Variants in TMIGD3 observed in about 807,000 individuals in gnomAD.
The protein encoded by TMIGD3 is AD026 protein (AD026).
A neutral mutation model predicts 28.1 loss-of-function variants in TMIGD3; 21 were observed. The ratio of observed to expected loss-of-function variants is 0.75; its 90% CI spans 0.53 to 1.08. The LOEUF (loss-of-function observed/expected upper bound fraction) is 1.08. Among genes scored for constraint, TMIGD3 ranks in the 50% least tolerant of loss-of-function variants. TMIGD3 has a pLI of 0.00. For synonymous variants in TMIGD3, 151 were observed against 162.1 expected (o/e 0.93, Z 0.52); for missense variants, 416 against 435.6 (o/e 0.96, Z 0.40).
At chr1:111,545,703 A>C (rs1657011040) in intron 1 of TMIGD3, among the ~76,000 whole-genome samples, 1 of 152,110 alleles carries the variant, frequency 6.6e-6, no homozygotes, top group Non-Finnish European at 1.5e-5. Flanking sequence ...TACCTAATCT[A>C]AGGTCACAGA....
upstream of TMIGD3, among the ~76,000 whole-genome samples, chr1:111,506,972 C>G (rs1298374708): frequency 6.8e-6 from 1 of 147,294 alleles, no homozygotes; most frequent in East Asian, 2.0e-4. Context: ...TATACACACA[C>G]ACACATATAC....
chr1:111,542,963 C>G (rs1015234364), intron 1 of TMIGD3, among the ~76,000 whole-genome samples: 1 of 152,138 alleles, frequency 6.6e-6, no homozygotes, highest in Non-Finnish European at 1.5e-5. Flanking sequence ...TCCCAAAGTG[C>G]TGGGATTACA....
chr1:111,526,934 A>T (rs1026806964), intron 1 of TMIGD3, among the ~76,000 whole-genome samples: 1 of 151,576 alleles, frequency 6.6e-6, no homozygotes, highest in Non-Finnish European at 1.5e-5. Flanking sequence ...ATATATTTGG[A>T]ATCATACAGT....
intron 1 of TMIGD3, chr1:111,500,101 A>G: frequency 6.2e-7 from 1 of 1,614,194 alleles, no homozygotes; most frequent in Non-Finnish European, 8.5e-7. Flanking sequence ...ATGGGACAGC[A>G]GGATGCCCAT....
chr1:111,532,034 A>C (rs1168612332), intron 1 of TMIGD3, among the ~76,000 whole-genome samples: 3 of 152,152 alleles, frequency 2.0e-5, no homozygotes, highest in Non-Finnish European at 4.4e-5. Context: ...TATTCTACCC[A>C]AAACCCTATT....
At chr1:111,505,439 A>G (rs1293361964), upstream of TMIGD3, among the ~76,000 whole-genome samples, 2 of 152,116 alleles carry the variant, frequency 1.3e-5, no homozygotes, top group African/African-American at 4.8e-5. Flanking sequence ...TGCACATACC[A>G]TGGGGGTTTC....
At chr1:111,524,676 G>A (rs1483409886) in intron 1 of TMIGD3, among the ~76,000 whole-genome samples, 1 of 152,116 alleles carries the variant, frequency 6.6e-6, no homozygotes, top group Non-Finnish European at 1.5e-5. Flanking sequence ...CTGGAGTGCG[G>A]TGGCATGATC....
chr1:111,517,409 A>G (rs965210063), intron 1 of TMIGD3, among the ~76,000 whole-genome samples: 1 of 151,626 alleles, frequency 6.6e-6, no homozygotes, highest in African/African-American at 2.4e-5. Context: ...TCTCTTCTCT[A>G]CATACCCCAG....
rs376119734 is a variant in TMIGD3 at position 111,486,627 on chromosome 1, G to C, written c.831C>G (p.Ser277Arg). Residue 277 changes from serine to arginine, a missense_variant, in exon 4 of 6, where the codon AGC (serine) becomes AGG (arginine). By Grantham distance (110) the Ser-to-Arg change is moderately radical (BLOSUM62 -1). Coordinates refer to ENST00000369716, the MANE Select transcript of TMIGD3 (RefSeq NM_020683.7). ...GKDLSGNKTR[S>R]CKAPKVVRKA... ...TGCGGACAACTTTGGGAGCCTTGCA[G>C]CTTCTGGTTTTGTTGCCTGATAGGT... 5 of 1,613,776 alleles carry C rather than the reference G, an allele frequency of 3.1e-6. No homozygotes were observed. The highest frequency in any genetic ancestry group is 2.7e-5 in the African/African-American group (2 of 74,850).
At chr1:111,520,691 GATCATGAC>G (rs1258985224) in intron 1 of TMIGD3, among the ~76,000 whole-genome samples, 1 of 152,214 alleles carries the variant, frequency 6.6e-6, no homozygotes, top group Non-Finnish European at 1.5e-5. Context: ...CAACTTAGTG[GATCATGAC>G]CACATTGCAT....
At chr1:111,550,711 C>T (rs899110877) in intron 1 of TMIGD3, among the ~76,000 whole-genome samples, 1 of 152,188 alleles carries the variant, frequency 6.6e-6, no homozygotes, top group African/African-American at 2.4e-5. Flanking sequence ...GCCCAGCAGG[C>T]CTTGAACTCC....
intron 1 of TMIGD3, among the ~76,000 whole-genome samples, chr1:111,524,497 A>G (rs1167729941): frequency 6.6e-6 from 1 of 152,208 alleles, no homozygotes; most frequent in Non-Finnish European, 1.5e-5. Flanking sequence ...ACACTTGGTA[A>G]CATAGATAAT....
chr1:111,548,107 A>T (rs1028460549), intron 1 of TMIGD3, among the ~76,000 whole-genome samples: 13 of 152,048 alleles, frequency 8.5e-5, no homozygotes, highest in Non-Finnish European at 1.9e-4. Flanking sequence ...TGCAACCTCC[A>T]CCTCCTGGGT....
At chr1:111,490,810 G>A (rs759071207) in intron 1 of TMIGD3, 48 bp from the exon 2 acceptor site, 1 of 1,415,532 alleles carries the variant, frequency 7.1e-7, no homozygotes, top group South Asian at 1.2e-5. Flanking sequence ...GCTTTATCCT[G>A]GTTTGAAGAG....
At chr1:111,502,962 T>C in intron 1 of TMIGD3, 43 bp downstream of exon 1, 1 of 1,600,272 alleles carries the variant, frequency 6.2e-7, no homozygotes, top group Non-Finnish European at 8.5e-7. Flanking sequence ...TAGCCTCATT[T>C]CCCAGCTGCC....
chr1:111,510,097 T>C (rs913179941), intron 1 of TMIGD3, among the ~76,000 whole-genome samples: 2 of 152,222 alleles, frequency 1.3e-5, no homozygotes, highest in African/African-American at 4.8e-5. Flanking sequence ...GGGCCAGATA[T>C]TGAAGGCTGT....
At chr1:111,503,868 A>G (rs988941750), upstream of TMIGD3, 19 of 994,230 alleles carry the variant, frequency 1.9e-5, no homozygotes, top group South Asian at 8.4e-4. Context: ...ATTGGGTATC[A>G]GAGTTCATTC....
At chr1:111,510,810 C>A (rs1445342338) in intron 1 of TMIGD3, among the ~76,000 whole-genome samples, 1 of 152,112 alleles carries the variant, frequency 6.6e-6, no homozygotes, top group East Asian at 1.9e-4. Flanking sequence ...TGCAGGGATA[C>A]CTGTCACTAC....
At chr1:111,491,501 G>C (rs898621255) in intron 1 of TMIGD3, among the ~76,000 whole-genome samples, 3 of 152,224 alleles carry the variant, frequency 2.0e-5, no homozygotes, top group Non-Finnish European at 4.4e-5. Flanking sequence ...ACATCCCAGA[G>C]CCAGCACATC....
Sources: gnomAD v4.1 joint callset for allele counts (sites outside exome capture counted in the v4.1 genomes callset) on GRCh38, gnomAD v4.1.1 for gene constraint, MANE v1.5 for transcripts, NCBI Gene and HGNC (gene_info 2026-07-23, HGNC 2026-07-21) for gene names.